SGCD: variants seen among roughly 807,000 people sequenced by gnomAD.
SGCD encodes sarcoglycan delta, also known as delta-sarcoglycan.
A neutral mutation model predicts 36.6 loss-of-function variants in SGCD; 18 were observed. The observed-to-expected ratio is 0.49, with a 90% CI of 0.34 to 0.73. The LOEUF is 0.73. Among genes scored for constraint, SGCD ranks in the 30% least tolerant of loss-of-function variants. The probability of loss-of-function intolerance (pLI) is 0.01; values close to 1 mark genes in which losing one functional copy is unlikely to be tolerated. For missense variants in SGCD, 387 were observed against 346.7 expected (o/e 1.12, Z -0.92); for synonymous variants, 133 against 130.6 (o/e 1.02, Z -0.12).
chr5:156,464,641 G>A (rs1296648045), intron 3 of SGCD, among the ~76,000 whole-genome samples: 1 of 152,104 alleles, frequency 6.6e-6, no homozygotes, highest in African/African-American at 2.4e-5. Flanking sequence ...TCAAAGCAAT[G>A]GTAAGAAAGG....
At chr5:156,478,433 A>G (rs1467055452) in intron 3 of SGCD, among the ~76,000 whole-genome samples, 1 of 152,140 alleles carries the variant, frequency 6.6e-6, no homozygotes, top group South Asian at 2.1e-4. Context: ...ACCTCTTGCG[A>G]TTACTGAGTT....
chr5:156,254,268 C>A (rs920856047), intron 3 of SGCD, among the ~76,000 whole-genome samples: 1 of 152,140 alleles, frequency 6.6e-6, no homozygotes, highest in Middle Eastern at 3.2e-3. Context: ...GTACACTGCA[C>A]AACATGCAAC....
At chr5:156,684,300 G>C (rs73302808) in intron 7 of SGCD, among the ~76,000 whole-genome samples, 4,008 of 152,212 alleles carry the variant, frequency 0.026, 178 homozygotes, top group African/African-American at 0.091. Context: ...TGACAAGAAA[G>C]AAAGTGTAAC....
chr5:155,776,633 AC>A, the SGCD span, among the ~76,000 whole-genome samples: 1 of 147,636 alleles, frequency 6.8e-6, no homozygotes, highest in Non-Finnish European at 1.5e-5. Flanking sequence ...TTTCCGCAAC[AC>A]CCCCCACCCC....
chr5:156,473,004 TA>T (rs988077853), intron 3 of SGCD, among the ~76,000 whole-genome samples: 5 of 151,828 alleles, frequency 3.3e-5, no homozygotes, highest in African/African-American at 7.3e-5. Context: ...TTGCCTACAG[TA>T]AAAAAAATAG....
intron 3 of SGCD, among the ~76,000 whole-genome samples, chr5:156,475,960 A>G (rs1209411645): frequency 6.6e-6 from 1 of 152,172 alleles, no homozygotes; most frequent in Non-Finnish European, 1.5e-5. Flanking sequence ...TAAGCTTCCC[A>G]GGGCTGCAGA....
At chr5:156,212,906 G>T (rs780773152) in intron 3 of SGCD, among the ~76,000 whole-genome samples, 21 of 151,930 alleles carry the variant, frequency 1.4e-4, no homozygotes, top group Non-Finnish European at 3.1e-4. Context: ...CAACAAATCT[G>T]TCAAAGGTAA....
At chr5:156,479,594 G>T (rs1027834476) in intron 3 of SGCD, among the ~76,000 whole-genome samples, 1 of 152,144 alleles carries the variant, frequency 6.6e-6, no homozygotes, top group Admixed American at 6.5e-5. Flanking sequence ...CACCCATTTT[G>T]CTCCTACCCC....
intron 3 of SGCD, among the ~76,000 whole-genome samples, chr5:156,479,005 G>T (rs1193699787): frequency 6.6e-6 from 1 of 152,114 alleles, no homozygotes; most frequent in African/African-American, 2.4e-5. Context: ...ATTTGATCTT[G>T]TCAGTGTTGG....
chr5:155,932,873 G>A (rs1013273043), intron 1 of SGCD, among the ~76,000 whole-genome samples: 4 of 151,920 alleles, frequency 2.6e-5, no homozygotes, highest in Admixed American at 6.6e-5. Flanking sequence ...GGTGACCACC[G>A]TGAAAAGCTG....
Position 156,051,158 on chromosome 5 carries a change from T to C in SGCD, c.-281-66720T>C, listed in dbSNP as rs892127117. 1.1e-4 allele frequency among the ~76,000 whole-genome samples: 16 copies of C among 146,374 alleles called. 1 individual carries two copies. Among genetic ancestry groups the C allele is most frequent in the African/African-American group, 3.7e-4 (15 of 40,706 alleles). ...CATTATGAAATTTGATAAATGAGTA[T>C]TATGGATTGTTATTAAAAACAGAGA... On this transcript the variant is annotated intron_variant, in intron 1 of 9. Transcript: ENST00000517913.
intron 1 of SGCD, among the ~76,000 whole-genome samples, chr5:156,069,652 AC>A (rs1277210749): frequency 1.3e-5 from 2 of 151,760 alleles, no homozygotes; most frequent in African/African-American, 4.9e-5. Flanking sequence ...TTTTTCCAGT[AC>A]TGTGAAGAAA....
chr5:156,560,207 C>T (rs1759212375), intron 4 of SGCD, among the ~76,000 whole-genome samples: 1 of 152,122 alleles, frequency 6.6e-6, no homozygotes, highest in Admixed American at 6.6e-5. Context: ...TAACAGTTTC[C>T]TCTTACATCT....
chr5:156,200,007 A>G (rs1216549166), intron 3 of SGCD, among the ~76,000 whole-genome samples: 2 of 152,152 alleles, frequency 1.3e-5, no homozygotes, highest in Admixed American at 1.3e-4. Flanking sequence ...ACATAGTGTG[A>G]TGTAGAAGAA....
intron 3 of SGCD, among the ~76,000 whole-genome samples, chr5:156,187,287 T>C (rs1470848372): frequency 6.6e-6 from 1 of 152,000 alleles, no homozygotes; most frequent in Non-Finnish European, 1.5e-5. Context: ...ATGATTTCAA[T>C]AGGATAATGG....
intron 1 of SGCD, among the ~76,000 whole-genome samples, chr5:156,059,861 G>A (rs1288983149): frequency 6.8e-6 from 1 of 146,608 alleles, no homozygotes; most frequent in Non-Finnish European, 1.5e-5. Flanking sequence ...TTCCCAGTTT[G>A]CTGACTTTTT....
rs571105665 is a variant in SGCD at position 156,259,456 on chromosome 5, A to T, written c.-43-70078A>T. ...TGTCTTTTACTGAGCATTTTTTTTTAAAAGTTAATCAAGTCTAATTAATCT... is the reference window on the plus strand; with the variant it reads ...TGTCTTTTACTGAGCATTTTTTTTTTAAAGTTAATCAAGTCTAATTAATCT... On this transcript the variant is annotated intron_variant, in intron 3 of 9. Coordinates refer to the SGCD transcript ENST00000517913. 1.4e-4 allele frequency among the ~76,000 whole-genome samples: 21 copies of T among 151,690 alleles called. 1 individual carries two copies. The highest frequency in any genetic ancestry group is 3.9e-4 in the East Asian group (2 of 5,160).
chr5:155,956,705 A>G (rs987400839), intron 1 of SGCD, among the ~76,000 whole-genome samples: 1 of 151,986 alleles, frequency 6.6e-6, no homozygotes, highest in African/African-American at 2.4e-5. Flanking sequence ...CCAGGCATTC[A>G]ACATCACTGC....
At chr5:156,371,757 A>G (rs1035944143) in intron 3 of SGCD, among the ~76,000 whole-genome samples, 1 of 152,158 alleles carries the variant, frequency 6.6e-6, no homozygotes, top group African/African-American at 2.4e-5. Flanking sequence ...ATGTTCCCCC[A>G]TCGTCATTAG....
Sources: allele counts gnomAD v4.1 joint callset (sites outside exome capture counted in the v4.1 genomes callset), GRCh38; gene constraint gnomAD v4.1.1; transcripts MANE v1.5; gene names NCBI Gene and HGNC (gene_info 2026-07-23, HGNC 2026-07-21).